The following RASGRF2 variants were observed in gnomAD, a reference collection of about 807,000 sequenced individuals.
The protein encoded by RASGRF2 is Ras protein specific guanine nucleotide releasing factor 2.
A neutral mutation model predicts 151.0 loss-of-function variants in RASGRF2; 76 were observed. The observed-to-expected ratio is 0.50, with a 90% CI of 0.42 to 0.61. The LOEUF (loss-of-function observed/expected upper bound fraction) is 0.61, where lower values mean the gene tolerates loss of function less well. Among genes scored for constraint, RASGRF2 ranks in the 20% least tolerant of loss-of-function variants. RASGRF2 has a pLI of 0.00. For synonymous variants in RASGRF2, 504 were observed against 566.5 expected, an observed-to-expected ratio of 0.89 and a Z score of 1.57; for missense variants, 1,148 against 1,564.6, an observed-to-expected ratio of 0.73 and a Z score of 4.49.
intron 1 of RASGRF2, among the ~76,000 whole-genome samples, chr5:80,989,941 ATTG>A (rs1748594305): frequency 6.6e-6 from 1 of 152,118 alleles, no homozygotes; most frequent in South Asian, 2.1e-4. Context: ...TCAGACCACT[ATTG>A]TTTGTCTGGA....
intron 2 of RASGRF2, 113 bp from the exon 3 acceptor site, chr5:81,067,919 C>A: frequency 1.1e-6 from 1 of 893,532 alleles, no homozygotes; most frequent in Non-Finnish European, 1.6e-6. Context: ...GTAGAGATAG[C>A]TGAACAAACA....
At chr5:81,057,219 C>A (rs1751248755) in intron 2 of RASGRF2, among the ~76,000 whole-genome samples, 1 of 152,082 alleles carries the variant, frequency 6.6e-6, no homozygotes, top group African/African-American at 2.4e-5. Context: ...CAGTTTCTTC[C>A]TAGCATTGAT....
intron 17 of RASGRF2, among the ~76,000 whole-genome samples, chr5:81,141,970 G>A (rs973070244): frequency 6.6e-6 from 1 of 152,214 alleles, no homozygotes. Context: ...TATATACTCT[G>A]CTGTCTACAG....
intron 1 of RASGRF2, among the ~76,000 whole-genome samples, chr5:81,040,264 C>A (rs1305140544): frequency 1.3e-5 from 2 of 152,176 alleles, no homozygotes; most frequent in African/African-American, 4.8e-5. Flanking sequence ...CTGTCTCAGC[C>A]TCCAAAAGTG....
intron 1 of RASGRF2, among the ~76,000 whole-genome samples, chr5:80,994,176 T>G (rs536261184): frequency 6.0e-4 from 91 of 151,960 alleles, no homozygotes; most frequent in Non-Finnish European, 1.1e-3. Context: ...CCATCCTGGC[T>G]AACACGGTGA....
chr5:81,170,082 C>T (rs1016157025), intron 17 of RASGRF2, among the ~76,000 whole-genome samples: 4 of 152,026 alleles, frequency 2.6e-5, no homozygotes, highest in Non-Finnish European at 4.4e-5. Flanking sequence ...TCCACACCAC[C>T]TGCATCACCC....
At chr5:81,173,731 CAAATT>C (rs1023281080) in intron 17 of RASGRF2, among the ~76,000 whole-genome samples, 1 of 152,128 alleles carries the variant, frequency 6.6e-6, no homozygotes, top group Admixed American at 6.5e-5. Context: ...GGAGGAGTAA[CAAATT>C]AAAGGGGTAT....
At chr5:81,065,796 G>A (rs987702918) in intron 2 of RASGRF2, among the ~76,000 whole-genome samples, 6 of 151,978 alleles carry the variant, frequency 3.9e-5, no homozygotes, top group Non-Finnish European at 8.8e-5. Context: ...TTCTCTTCAT[G>A]GAATTTTACA....
At chr5:81,061,836 G>A (rs1751443361) in intron 2 of RASGRF2, among the ~76,000 whole-genome samples, 1 of 151,748 alleles carries the variant, frequency 6.6e-6, no homozygotes, top group East Asian at 1.9e-4. Context: ...ACAGGTGCAT[G>A]CCACCACACC....
At chr5:81,112,547 T>G (rs1753025358) in intron 13 of RASGRF2, 63 bp from the exon 14 acceptor site, 1 of 1,602,074 alleles carries the variant, frequency 6.2e-7, no homozygotes, top group African/African-American at 1.3e-5. Context: ...CGCTGAAATA[T>G]TCAGTGGCCG....
At chr5:80,973,322 C>T (rs968649470) in intron 1 of RASGRF2, among the ~76,000 whole-genome samples, 2 of 152,200 alleles carry the variant, frequency 1.3e-5, no homozygotes, top group South Asian at 4.1e-4. Context: ...TTCTGAAAGA[C>T]AAAAGTCATG....
At chr5:81,106,645 T>A (rs1752854914) in intron 12 of RASGRF2, among the ~76,000 whole-genome samples, 1 of 152,144 alleles carries the variant, frequency 6.6e-6, no homozygotes, top group Non-Finnish European at 1.5e-5. Context: ...AACAGGGCCC[T>A]TGATGTGTAT....
intron 1 of RASGRF2, among the ~76,000 whole-genome samples, chr5:80,974,923 C>T (rs79447633): frequency 0.18 from 27,399 of 151,910 alleles, 2,922 homozygotes; most frequent in East Asian, 0.35. Flanking sequence ...TGTGGGGGCA[C>T]ATTCTATTAA....
chr5:81,207,197 G>A, intron 20 of RASGRF2, 49 bp from the exon 21 acceptor site: 1 of 1,510,240 alleles, frequency 6.6e-7, no homozygotes, highest in Non-Finnish European at 9.2e-7. Flanking sequence ...CAATGAGATG[G>A]CAGGCGCCCT....
At chr5:81,212,137 C>T (rs372271930) in intron 22 of RASGRF2, among the ~76,000 whole-genome samples, 15 of 152,142 alleles carry the variant, frequency 9.9e-5, no homozygotes, top group East Asian at 7.7e-4. Flanking sequence ...CCTCAACAAG[C>T]GGGAATCCAG....
Position 81,212,253 on chromosome 5 carries a change from A to T in RASGRF2, c.3157-113A>T, listed in dbSNP as rs368912875. 569 of 672,522 alleles carry T rather than the reference A, an allele frequency of 8.5e-4. 1 individual carries two copies. The highest frequency in any genetic ancestry group is 1.1e-3 in the Admixed American group (34 of 31,572). 41.7% of individuals were successfully genotyped at this position (672,522 alleles called of 1,614,324 possible). On this transcript the variant is annotated intron_variant, in intron 22 of 26. Coordinates refer to ENST00000265080, the MANE Select transcript of RASGRF2 (RefSeq NM_006909.3). The stretch of plus-strand genomic sequence containing the variant: ...TATCTAAATGTAGAATATGATCTTC[A>T]AGCTACTCAACACCCTGCCTTCCTG...
intron 17 of RASGRF2, among the ~76,000 whole-genome samples, chr5:81,173,332 C>T (rs1455970377): frequency 1.3e-5 from 2 of 152,038 alleles, no homozygotes; most frequent in African/African-American, 4.8e-5. Flanking sequence ...GAGCCAAGAT[C>T]GTGCCATTGC....
chr5:81,154,884 A>G (rs1754225002), intron 17 of RASGRF2, among the ~76,000 whole-genome samples: 1 of 152,130 alleles, frequency 6.6e-6, no homozygotes, highest in African/African-American at 2.4e-5. Context: ...TGGCTGTACT[A>G]ATTTACCTTT....
chr5:81,100,367 C>T (rs1025431372), intron 12 of RASGRF2, among the ~76,000 whole-genome samples: 1 of 152,074 alleles, frequency 6.6e-6, no homozygotes, highest in Non-Finnish European at 1.5e-5. Flanking sequence ...CTCTACAAAA[C>T]TTAAGACTTT....
Sources: allele counts gnomAD v4.1 joint callset (sites outside exome capture counted in the v4.1 genomes callset), GRCh38; gene constraint gnomAD v4.1.1; transcripts MANE v1.5; gene names NCBI Gene and HGNC (gene_info 2026-07-23, HGNC 2026-07-21).